PAK5: variants seen among roughly 807,000 people sequenced by gnomAD.
PAK5 encodes the protein p21 (RAC1) activated kinase 5.
Under a neutral mutation model 65.9 loss-of-function variants are expected in PAK5, and 16 were observed. The observed-to-expected ratio is 0.24, with a 90% CI of 0.16 to 0.37. The LOEUF is 0.37. PAK5 is among the 10% of genes least tolerant of loss of function. The probability of loss-of-function intolerance (pLI) is 1.00; values close to 1 mark genes in which losing one functional copy is unlikely to be tolerated. For synonymous variants in PAK5, 371 were observed against 354.9 expected, an observed-to-expected ratio of 1.05 and a Z score of -0.51; for missense variants, 785 against 903.9, an observed-to-expected ratio of 0.87 and a Z score of 1.69.
At chr20:9,644,513 AT>A (rs201348772) in intron 2 of PAK5, among the ~76,000 whole-genome samples, 174 bp from the exon 3 acceptor site, 7 of 151,576 alleles carry the variant, frequency 4.6e-5, no homozygotes, top group Middle Eastern at 3.4e-3. Context: ...ATTTTATTCA[AT>A]TTTTTTTTGT....
At chr20:9,612,075 C>T (rs1217979328) in intron 3 of PAK5, among the ~76,000 whole-genome samples, 3 of 152,152 alleles carry the variant, frequency 2.0e-5, no homozygotes, top group African/African-American at 4.8e-5. Flanking sequence ...CACAGGGTGT[C>T]TGGCCCCCCA....
intron 1 of PAK5, among the ~76,000 whole-genome samples, chr20:9,782,092 A>G (rs946459248): frequency 1.3e-5 from 2 of 151,876 alleles, no homozygotes; most frequent in African/African-American, 4.8e-5. Context: ...CATTGTCTCT[A>G]TTACCTCCCC....
At chr20:9,804,080 C>G (rs2049202970) in intron 1 of PAK5, among the ~76,000 whole-genome samples, 2 of 152,114 alleles carry the variant, frequency 1.3e-5, no homozygotes, top group African/African-American at 4.8e-5. Context: ...TGTGGATCAT[C>G]ATCATTACCT....
intron 3 of PAK5, among the ~76,000 whole-genome samples, chr20:9,594,431 G>T (rs2046228310): frequency 6.6e-6 from 1 of 152,198 alleles, no homozygotes; most frequent in African/African-American, 2.4e-5. Context: ...CTGTTCCTGA[G>T]TAAAGAATTA....
chr20:9,654,252 C>T (rs2047238079), intron 2 of PAK5, among the ~76,000 whole-genome samples: 1 of 152,102 alleles, frequency 6.6e-6, no homozygotes, highest in Non-Finnish European at 1.5e-5. Flanking sequence ...GGATTATAGG[C>T]GTGAGCCACC....
intron 1 of PAK5, among the ~76,000 whole-genome samples, chr20:9,798,966 G>A (rs536039151): frequency 7.2e-5 from 11 of 152,178 alleles, no homozygotes; most frequent in East Asian, 3.9e-4. Context: ...GATCTTAAAC[G>A]TTTGAGAATC....
intron 3 of PAK5, among the ~76,000 whole-genome samples, chr20:9,589,527 T>C (rs1181181804): frequency 6.6e-6 from 1 of 152,210 alleles, no homozygotes; most frequent in Admixed American, 6.5e-5. Context: ...CATTTGAGCA[T>C]TGCATATCCC....
intron 3 of PAK5, among the ~76,000 whole-genome samples, chr20:9,634,486 A>C (rs2046960551): frequency 1.3e-5 from 2 of 152,208 alleles, no homozygotes; most frequent in African/African-American, 4.8e-5. Flanking sequence ...AAACCCTGCA[A>C]AACACTAATG....
At chr20:9,662,858 G>A (rs1354596775) in intron 2 of PAK5, among the ~76,000 whole-genome samples, 1 of 152,082 alleles carries the variant, frequency 6.6e-6, no homozygotes, top group Admixed American at 6.6e-5. Context: ...GTATCAGAAT[G>A]AAATCACTTG....
At chr20:9,601,539 C>T (rs1272987051) in intron 3 of PAK5, among the ~76,000 whole-genome samples, 1 of 152,086 alleles carries the variant, frequency 6.6e-6, no homozygotes. Context: ...GGTTCCATAG[C>T]TTTTTTAGTG....
chr20:9,736,789 G>C (rs529079416), intron 1 of PAK5, among the ~76,000 whole-genome samples: 1 of 152,146 alleles, frequency 6.6e-6, no homozygotes, highest in Non-Finnish European at 1.5e-5. Flanking sequence ...CTGAAGTCTG[G>C]TCTCCATGTT....
Position 9,705,450 on chromosome 20 carries a change from A to C in PAK5, c.-12+5836T>G, listed in dbSNP as rs150321877. Among the ~76,000 whole-genome samples, 528 of 152,322 alleles carry C rather than the reference A, an allele frequency of 3.5e-3. 3 individuals are homozygous for C. The highest frequency in any genetic ancestry group is 0.012 in the African/African-American group (497 of 41,576). ...GAGGAGAATGGTGTTCAAAGGGAAT[A>C]GTCATATACCACTTGTTGGGAGTGT... On this transcript the variant is annotated intron_variant, in intron 2 of 9. Transcript: ENST00000353224.
At chr20:9,785,766 TG>T (rs2048986358) in intron 1 of PAK5, among the ~76,000 whole-genome samples, 2 of 152,200 alleles carry the variant, frequency 1.3e-5, no homozygotes, top group East Asian at 3.9e-4. Context: ...AATTTCATCA[TG>T]TGTTGTCCCT....
At chr20:9,696,670 G>A (rs1374586144) in intron 2 of PAK5, among the ~76,000 whole-genome samples, 1 of 152,086 alleles carries the variant, frequency 6.6e-6, no homozygotes, top group African/African-American at 2.4e-5. Flanking sequence ...GACCCACACA[G>A]TAATAATCAG....
At position 9,683,119 on chromosome 20, in the gene PAK5, CCTT is replaced by C. The variant is rs993727458; in HGVS notation, c.-12+28164_-12+28166del. On this transcript the variant is annotated intron_variant, in intron 2 of 9. Coordinates refer to ENST00000353224, the MANE Select transcript of PAK5 (RefSeq NM_177990.4). ...AAATCTCCAGAGCAAATTCCACAAA[CCTT>C]CTTAGGAATGCTGTTCAAATATTCA... Among the ~76,000 whole-genome samples the C allele has an allele frequency of 3.7e-4, 56 of 152,326 alleles. 1 individual carries two copies. The highest frequency in any genetic ancestry group is 1.3e-3 in the African/African-American group (52 of 41,574).
chr20:9,834,368 T>C (rs184501322), intron 1 of PAK5, among the ~76,000 whole-genome samples: 1 of 152,300 alleles, frequency 6.6e-6, no homozygotes, highest in East Asian at 1.9e-4. Flanking sequence ...TCACTTGGAT[T>C]AAACAGGACA....
At chr20:9,592,788 A>G (rs1382196205) in intron 3 of PAK5, among the ~76,000 whole-genome samples, 4 of 152,174 alleles carry the variant, frequency 2.6e-5, no homozygotes, top group Non-Finnish European at 4.4e-5. Flanking sequence ...GAGATTATTA[A>G]AGGAGAGTGC....
chr20:9,677,281 C>A (rs926305893), intron 2 of PAK5, among the ~76,000 whole-genome samples: 15 of 152,300 alleles, frequency 9.8e-5, no homozygotes, highest in African/African-American at 3.6e-4. Flanking sequence ...GGATGCATCA[C>A]ATTCAGACCC....
chr20:9,571,653 A>C (rs1489086427), intron 4 of PAK5, among the ~76,000 whole-genome samples: 2 of 152,198 alleles, frequency 1.3e-5, no homozygotes, highest in African/African-American at 4.8e-5. Context: ...GGACTGTTCT[A>C]AGCACACTGT....
Sources: gnomAD v4.1 joint callset for allele counts (sites outside exome capture counted in the v4.1 genomes callset) on GRCh38, gnomAD v4.1.1 for gene constraint, MANE v1.5 for transcripts, NCBI Gene and HGNC (gene_info 2026-07-23, HGNC 2026-07-21) for gene names.